The following KCTD16 variants were observed in gnomAD, a reference collection of about 807,000 sequenced individuals.
KCTD16 encodes BTB/POZ domain-containing protein KCTD16.
Under a neutral mutation model 33.2 loss-of-function variants are expected in KCTD16, and 13 were observed. That is an observed-to-expected ratio of 0.39 (90% CI 0.25 to 0.62). The LOEUF is 0.62. KCTD16 is among the 20% of genes least tolerant of loss of function. KCTD16 has a pLI of 0.50. For synonymous variants in KCTD16, 197 were observed against 195.3 expected, an observed-to-expected ratio of 1.01 and a Z score of -0.07; for missense variants, 441 against 525.1, an observed-to-expected ratio of 0.84 and a Z score of 1.57.
chr5:144,451,626 A>G (rs975942899), intron 3 of KCTD16, among the ~76,000 whole-genome samples: 1 of 152,164 alleles, frequency 6.6e-6, no homozygotes, highest in Non-Finnish European at 1.5e-5. Context: ...AAATATTAAC[A>G]CTTCTATTGA....
intron 3 of KCTD16, among the ~76,000 whole-genome samples, chr5:144,410,080 G>C (rs1752899044): frequency 6.6e-6 from 1 of 152,180 alleles, no homozygotes; most frequent in Admixed American, 6.5e-5. Context: ...GGGACAGAAA[G>C]CATGACTTGC....
intron 3 of KCTD16, among the ~76,000 whole-genome samples, chr5:144,221,729 G>C (rs142795911): frequency 6.6e-6 from 1 of 152,128 alleles, no homozygotes; most frequent in Admixed American, 6.5e-5. Flanking sequence ...ATAAACATAC[G>C]TGTGCATGTG....
At chr5:144,273,436 G>C (rs1483208455) in intron 3 of KCTD16, among the ~76,000 whole-genome samples, 2 of 152,096 alleles carry the variant, frequency 1.3e-5, no homozygotes, top group Non-Finnish European at 2.9e-5. Context: ...ATTAAAAATA[G>C]AATTACCATA....
chr5:144,272,030 C>G (rs951598660), intron 3 of KCTD16, among the ~76,000 whole-genome samples: 1 of 152,044 alleles, frequency 6.6e-6, no homozygotes, highest in African/African-American at 2.4e-5. Flanking sequence ...TAAATGGGAG[C>G]ACATTTCATG....
intron 3 of KCTD16, among the ~76,000 whole-genome samples, chr5:144,253,824 A>T (rs1895295): frequency 0.22 from 32,770 of 152,190 alleles, 4,000 homozygotes; most frequent in Non-Finnish European, 0.28. Context: ...AAAAATACAT[A>T]TACCTAGACC....
intron 3 of KCTD16, among the ~76,000 whole-genome samples, chr5:144,398,623 A>G (rs1386059646): frequency 6.6e-6 from 1 of 152,132 alleles, no homozygotes; most frequent in South Asian, 2.1e-4. Flanking sequence ...GCTTGGCTAC[A>G]TATAAAAATG....
chr5:144,341,484 A>T (rs1752641363), intron 3 of KCTD16, among the ~76,000 whole-genome samples: 1 of 152,222 alleles, frequency 6.6e-6, no homozygotes. Context: ...GGCTTAGCAA[A>T]AACCCTCAGA....
intron 3 of KCTD16, among the ~76,000 whole-genome samples, chr5:144,465,740 C>T (rs906785667): frequency 6.7e-6 from 1 of 149,776 alleles, no homozygotes; most frequent in Non-Finnish European, 1.5e-5. Flanking sequence ...ATAAAATTCA[C>T]AGGGTTCTGT....
intron 3 of KCTD16, among the ~76,000 whole-genome samples, chr5:144,315,712 C>A (rs559432869): frequency 5.4e-4 from 82 of 152,078 alleles, no homozygotes; most frequent in African/African-American, 1.7e-3. Context: ...TAATGCCATG[C>A]AGGTAGTAAG....
At chr5:144,350,812 A>G (rs1290497273) in intron 3 of KCTD16, among the ~76,000 whole-genome samples, 1 of 150,594 alleles carries the variant, frequency 6.6e-6, no homozygotes, top group African/African-American at 2.4e-5. Context: ...TGATATTTCC[A>G]CAGACAGTGA....
intron 3 of KCTD16, among the ~76,000 whole-genome samples, chr5:144,354,264 A>G (rs370882047): frequency 2.1e-4 from 32 of 152,272 alleles, no homozygotes; most frequent in African/African-American, 7.5e-4. Context: ...ACTACTACTG[A>G]TAAGTTTATT....
At chr5:144,392,362 C>A (rs982930193) in intron 3 of KCTD16, among the ~76,000 whole-genome samples, 1 of 152,174 alleles carries the variant, frequency 6.6e-6, no homozygotes, top group Non-Finnish European at 1.5e-5. Context: ...TGGTAGGCAG[C>A]AGTTACATTG....
intron 3 of KCTD16, among the ~76,000 whole-genome samples, chr5:144,423,805 A>G (rs1753263027): frequency 6.6e-6 from 1 of 152,126 alleles, no homozygotes; most frequent in Admixed American, 6.6e-5. Context: ...AAAGTAATAA[A>G]TAACCATTCC....
rs1214179479 is a variant in KCTD16 at position 144,474,224 on chromosome 5, A to C, written c.*110A>C. 1.2e-6 allele frequency: 1 copy of C among 804,616 alleles called. No individual in the cohort carries two copies. Among genetic ancestry groups the C allele is most frequent in the East Asian group, 2.6e-5 (1 of 37,936 alleles). 49.8% of individuals were successfully genotyped at this position (804,616 alleles called of 1,614,324 possible). The stretch of plus-strand genomic sequence containing the variant: ...ATACAACTAATGATGCACATTTCTT[A>C]GAACACAATAGTCCATTGATATACT... On this transcript the variant is annotated 3_prime_UTR_variant, in exon 4 of 4. Coordinates refer to ENST00000512467, the MANE Select transcript of KCTD16 (RefSeq NM_020768.4).
intron 3 of KCTD16, among the ~76,000 whole-genome samples, chr5:144,344,036 G>C (rs1038561627): frequency 3.3e-5 from 5 of 152,038 alleles, no homozygotes; most frequent in Non-Finnish European, 7.4e-5. Flanking sequence ...ACAGAACAGA[G>C]CCCTCAGAAA....
intron 3 of KCTD16, among the ~76,000 whole-genome samples, chr5:144,299,106 A>ATCACTATG (rs61620861): frequency 2.2e-4 from 2 of 9,080 alleles, no homozygotes; most frequent in African/African-American, 6.5e-4. Flanking sequence ...GTATATATAT[A>ATCACTATG]TATATATATA....
intron 2 of KCTD16, among the ~76,000 whole-genome samples, chr5:144,195,767 A>C (rs1274168646): frequency 6.6e-6 from 1 of 152,216 alleles, no homozygotes. Flanking sequence ...CATACCGAGT[A>C]AATGTATAGT....
At chr5:144,301,240 CAAAA>C (rs5871873) in intron 3 of KCTD16, among the ~76,000 whole-genome samples, 3 of 74,708 alleles carry the variant, frequency 4.0e-5, no homozygotes, top group Admixed American at 3.0e-4. Context: ...GATTCCATCT[CAAAA>C]AAAAAAAAAA....
intron 3 of KCTD16, among the ~76,000 whole-genome samples, chr5:144,405,220 A>G (rs558013665): frequency 3.5e-4 from 53 of 152,338 alleles, no homozygotes; most frequent in African/African-American, 6.5e-4. Context: ...TTAACAATCC[A>G]TGTTAAATCA....
Sources: gnomAD v4.1 joint callset for allele counts (sites outside exome capture counted in the v4.1 genomes callset) on GRCh38, gnomAD v4.1.1 for gene constraint, MANE v1.5 for transcripts, NCBI Gene and HGNC (gene_info 2026-07-23, HGNC 2026-07-21) for gene names.